TMTC2: variants seen among roughly 807,000 people sequenced by gnomAD.
The protein encoded by TMTC2 is transmembrane O-mannosyltransferase targeting cadherins 2.
In TMTC2, 43 loss-of-function variants were observed where a neutral mutation model predicts 82.4. That is an observed-to-expected ratio of 0.52 (90% CI 0.41 to 0.67). TMTC2 has a LOEUF of 0.67. TMTC2 is among the 30% of genes least tolerant of loss of function. The pLI is 0.00. For synonymous variants in TMTC2, 408 were observed against 381.9 expected (o/e 1.07, Z -0.80); for missense variants, 919 against 1,012.4 (o/e 0.91, Z 1.25).
At chr12:82,801,315 A>T (rs73358235) in intron 1 of TMTC2, among the ~76,000 whole-genome samples, 2,160 of 152,218 alleles carry the variant, frequency 0.014, 51 homozygotes, top group African/African-American at 0.05. Flanking sequence ...GAAACTGCAG[A>T]TCTTCACCAT....
intron 3 of TMTC2, among the ~76,000 whole-genome samples, chr12:82,927,583 TTATGGA>T (rs1875792609): frequency 6.6e-6 from 1 of 152,214 alleles, no homozygotes; most frequent in Admixed American, 6.5e-5. Flanking sequence ...AAGAGTTCTA[TTATGGA>T]TAAAATGCTA....
intron 3 of TMTC2, among the ~76,000 whole-genome samples, chr12:82,926,050 C>T (rs1418969909): frequency 2.0e-5 from 3 of 150,110 alleles, no homozygotes; most frequent in South Asian, 4.2e-4. Context: ...GGTGCGATCT[C>T]GGCTCACTGC....
intron 10 of TMTC2, among the ~76,000 whole-genome samples, chr12:83,059,860 A>G (rs939502519): frequency 1.3e-5 from 2 of 151,728 alleles, no homozygotes; most frequent in Non-Finnish European, 2.9e-5. Flanking sequence ...TTGGGCATCT[A>G]TCTATTGGTT....
At chr12:82,908,765 A>G (rs931273436) in intron 3 of TMTC2, among the ~76,000 whole-genome samples, 1 of 151,810 alleles carries the variant, frequency 6.6e-6, no homozygotes, top group Non-Finnish European at 1.5e-5. Context: ...TTTACCTGCA[A>G]AACTAGCTAG....
intron 1 of TMTC2, among the ~76,000 whole-genome samples, chr12:82,763,698 A>G (rs1418651861): frequency 6.6e-6 from 1 of 152,238 alleles, no homozygotes; most frequent in Non-Finnish European, 1.5e-5. Context: ...ACGTGACTTA[A>G]GAAGGAAAAT....
intron 1 of TMTC2, among the ~76,000 whole-genome samples, chr12:82,814,329 G>A (rs1868564352): frequency 6.6e-6 from 1 of 152,138 alleles, no homozygotes; most frequent in African/African-American, 2.4e-5. Context: ...ACCAGGAAGA[G>A]GCATAAAAGA....
At chr12:82,991,745 A>T (rs1462341657) in intron 8 of TMTC2, among the ~76,000 whole-genome samples, 1 of 152,224 alleles carries the variant, frequency 6.6e-6, no homozygotes, top group Non-Finnish European at 1.5e-5. Flanking sequence ...CCATGAATTT[A>T]AAATTGGGCA....
intron 2 of TMTC2, among the ~76,000 whole-genome samples, chr12:82,893,263 TG>T (rs1282999571): frequency 2.0e-5 from 3 of 151,380 alleles, no homozygotes; most frequent in Non-Finnish European, 4.4e-5. Flanking sequence ...CCCAGCTACT[TG>T]CAAAGCTGAG....
At chr12:82,949,127 C>T (rs572249709) in intron 4 of TMTC2, among the ~76,000 whole-genome samples, 30 of 152,306 alleles carry the variant, frequency 2.0e-4, no homozygotes, top group African/African-American at 5.8e-4. Flanking sequence ...TGTATTCCAG[C>T]GTAGGAGTTC....
chr12:82,741,218 A>C (rs1285452350), intron 1 of TMTC2, among the ~76,000 whole-genome samples: 1 of 152,118 alleles, frequency 6.6e-6, no homozygotes. Flanking sequence ...TCATCCCAAG[A>C]GTGCTTTCCT....
At chr12:83,102,616 A>G (rs904734980) in intron 11 of TMTC2, among the ~76,000 whole-genome samples, 1 of 152,194 alleles carries the variant, frequency 6.6e-6, no homozygotes, top group African/African-American at 2.4e-5. Flanking sequence ...GTGGTTCTCA[A>G]TTGTAAGCTA....
At chr12:82,918,505 G>A (rs778344005) in intron 3 of TMTC2, among the ~76,000 whole-genome samples, 2 of 152,092 alleles carry the variant, frequency 1.3e-5, no homozygotes, top group Non-Finnish European at 2.9e-5. Context: ...TGTTAAATTT[G>A]TAAGGTTTAA....
At chr12:82,810,071 C>T (rs534195623) in intron 1 of TMTC2, among the ~76,000 whole-genome samples, 87 of 152,100 alleles carry the variant, frequency 5.7e-4, no homozygotes, top group African/African-American at 2.0e-3. Context: ...TCTGGTCATG[C>T]ATAATGATAC....
At chr12:82,784,115 T>C (rs952116917) in intron 1 of TMTC2, among the ~76,000 whole-genome samples, 13 of 151,948 alleles carry the variant, frequency 8.6e-5, no homozygotes, top group Non-Finnish European at 1.3e-4. Flanking sequence ...CCAAAACACA[T>C]GTATACTACA....
chr12:82,895,615 T>G (rs1301072342), intron 2 of TMTC2, among the ~76,000 whole-genome samples: 1 of 152,132 alleles, frequency 6.6e-6, no homozygotes, highest in Non-Finnish European at 1.5e-5. Flanking sequence ...ATATACAAAC[T>G]ACGATTTCAG....
chr12:82,729,081 C>T (rs1592880064), intron 1 of TMTC2, among the ~76,000 whole-genome samples: 1 of 152,364 alleles, frequency 6.6e-6, no homozygotes, highest in East Asian at 1.9e-4. Context: ...CCAGTCCCAT[C>T]GACCACCCAA....
chr12:82,815,553 C>T (rs1193165276), intron 1 of TMTC2, among the ~76,000 whole-genome samples: 1 of 152,030 alleles, frequency 6.6e-6, no homozygotes, highest in African/African-American at 2.4e-5. Context: ...CCCTCATGAT[C>T]CGCCCACTTC....
At position 83,028,181 on chromosome 12, in the gene TMTC2, T is replaced by A. The variant is rs116788733; in HGVS notation, c.2071-2617T>A. Among the ~76,000 whole-genome samples, 360 of 152,258 alleles carry A rather than the reference T, an allele frequency of 2.4e-3. 2 individuals carry two copies. Among genetic ancestry groups the A allele is most frequent in the African/African-American group, 8.3e-3 (345 of 41,548 alleles). ...ACTGCATTTTTTGCACACTGTCGAATATATATATGTGTGTGTGTATATACA... is the reference window on the plus strand; with the variant it reads ...ACTGCATTTTTTGCACACTGTCGAAAATATATATGTGTGTGTGTATATACA... On this transcript the variant is annotated intron_variant, in intron 8 of 11. Coordinates refer to ENST00000321196, the MANE Select transcript of TMTC2 (RefSeq NM_152588.3).
intron 4 of TMTC2, among the ~76,000 whole-genome samples, chr12:82,935,428 T>G (rs764302464): frequency 2.6e-5 from 4 of 152,154 alleles, no homozygotes; most frequent in Non-Finnish European, 5.9e-5. Context: ...TTTAACAGAT[T>G]TGCATTATGA....
Sources: allele counts gnomAD v4.1 joint callset (sites outside exome capture counted in the v4.1 genomes callset), GRCh38; gene constraint gnomAD v4.1.1; transcripts MANE v1.5; gene names NCBI Gene and HGNC (gene_info 2026-07-23, HGNC 2026-07-21).